ATP13A4: variants seen among roughly 807,000 people sequenced by gnomAD.
The protein encoded by ATP13A4 is probable cation-transporting ATPase 13A4.
Under a neutral mutation model 142.5 loss-of-function variants are expected in ATP13A4, and 114 were observed. The observed-to-expected ratio is 0.80, with a 90% confidence interval of 0.69 to 0.93. The LOEUF (loss-of-function observed/expected upper bound fraction) is 0.93, where lower values mean the gene tolerates loss of function less well. ATP13A4 is among the 40% of genes least tolerant of loss of function. The probability of loss-of-function intolerance (pLI) is 0.00; values close to 1 mark genes in which losing one functional copy is unlikely to be tolerated. For missense variants in ATP13A4, 1,392 were observed against 1,454.0 expected (o/e 0.96, Z 0.69); for synonymous variants, 488 against 514.8 (o/e 0.95, Z 0.70).
At chr3:193,540,747 G>C (rs184425659) in intron 1 of ATP13A4, among the ~76,000 whole-genome samples, 1 of 151,410 alleles carries the variant, frequency 6.6e-6, no homozygotes, top group Non-Finnish European at 1.5e-5. Context: ...TACATATGAA[G>C]AGAAACAACA....
intron 18 of ATP13A4, 40 bp downstream of exon 18, chr3:193,448,166 T>A (rs200246471): frequency 8.7e-6 from 14 of 1,611,084 alleles, no homozygotes; most frequent in South Asian, 7.7e-5. Context: ...TATTTCCACA[T>A]CAAATTCTTA....
intron 25 of ATP13A4, among the ~76,000 whole-genome samples, chr3:193,420,483 A>G (rs1715350884): frequency 6.7e-6 from 1 of 149,886 alleles, no homozygotes; most frequent in Non-Finnish European, 1.5e-5. Flanking sequence ...TATGATATCA[A>G]CAAAGAAACA....
At chr3:193,409,338 C>T (rs1194863201) in intron 28 of ATP13A4, among the ~76,000 whole-genome samples, 1 of 150,494 alleles carries the variant, frequency 6.6e-6, no homozygotes, top group African/African-American at 2.5e-5. Context: ...CTAAAAAGAA[C>T]ACATATTTTT....
At position 193,467,448 on chromosome 3, in the gene ATP13A4, T is replaced by C; in HGVS notation, c.982A>G (p.Met328Val). Reference sequence around the variant, plus strand: ...GTTTTCCAGGGCACAGAGCTATCCATCTTGGGTAACGGAGTTTTGGTGACT... The same window carrying C: ...GTTTTCCAGGGCACAGAGCTATCCACCTTGGGTAACGGAGTTTTGGTGACT... Reference protein sequence around the residue: ...IPVTKTPLPKMDSSVPWKTQS... With the variant: ...IPVTKTPLPKVDSSVPWKTQS... Residue 328 changes from methionine to valine, a missense_variant, in exon 10 of 30, where the codon ATG (methionine) becomes GTG (valine). By Grantham distance (21) the Met-to-Val change is conservative (BLOSUM62 1). Transcript: ENST00000342695. 1.2e-6 allele frequency: 2 copies of C among 1,613,888 alleles called. No homozygotes were observed. The highest frequency in any genetic ancestry group is 1.7e-4 in the Middle Eastern group (1 of 5,918).
At chr3:193,531,292 GAGGGAGGAAGGAAGGAAGGA>G (rs1722305263) in intron 1 of ATP13A4, among the ~76,000 whole-genome samples, 1 of 104,030 alleles carries the variant, frequency 9.6e-6, no homozygotes, top group African/African-American at 3.6e-5. Flanking sequence ...GGGAGGGAGG[GAGGGAGGAAGGAAGGAAGGA>G]AGGAAGGAAG....
At chr3:193,582,738 A>ATG (rs1724587876) in intron 1 of ATP13A4, among the ~76,000 whole-genome samples, 1 of 61,280 alleles carries the variant, frequency 1.6e-5, no homozygotes, top group Admixed American at 2.1e-4. Context: ...TAAAATATAT[A>ATG]TGTATAATAC....
In ATP13A4 at chr3:193,554,876, C is replaced by T; in HGVS notation, c.-77G>A. ...GGATGAACTCCAACTCGCCGAGCCA[C>T]CGCAGCTCCTCAGCTGACTAAAAGA... On this transcript the variant is annotated 5_prime_UTR_variant, in exon 1 of 30. The change creates a new upstream start codon in the 5' untranslated region. Coordinates refer to ENST00000342695, the MANE Select transcript of ATP13A4 (RefSeq NM_032279.4). 6.2e-7 allele frequency: 1 copy of T among 1,612,942 alleles called. No homozygotes were observed. The highest frequency in any genetic ancestry group is 1.1e-5 in the South Asian group (1 of 91,032).
Position 193,412,167 on chromosome 3 carries a change from G to A in ATP13A4, c.3208+11C>T, listed in dbSNP as rs777905375. ...GACTTCTCACCTCTGATGCAGTACA[G>A]TTCTACTCACAGTTTGTATAAGTTG... is the stretch of plus-strand genomic sequence containing the variant. On this transcript the variant is annotated intron_variant, in intron 27 of 29. Transcript: ENST00000342695. The A allele has an allele frequency of 1.5e-5, 24 of 1,587,388 alleles. No individual in the cohort carries two copies. The highest frequency in any genetic ancestry group is 8.8e-5 in the South Asian group (8 of 90,560).
intron 7 of ATP13A4, among the ~76,000 whole-genome samples, chr3:193,484,289 G>A (rs577930105): frequency 6.6e-6 from 1 of 151,116 alleles, no homozygotes; most frequent in East Asian, 1.9e-4. Context: ...CAGCCTGGGC[G>A]ACAGAACAAG....
In ATP13A4 at chr3:193,493,082, C is replaced by T. The variant is rs1720031601; in HGVS notation, c.452+8G>A. The stretch of plus-strand genomic sequence containing the variant: ...TCTTCTTTGGCTGTACTTGCTAAAA[C>T]AACTTACCCAATTTTCTGGAACTGT... On this transcript the variant is annotated splice_region_variant and intron_variant, in intron 4 of 29. Transcript: ENST00000342695. 6.2e-7 allele frequency: 1 copy of T among 1,612,986 alleles called. No individual in the cohort carries two copies. Among genetic ancestry groups the T allele is most frequent in the Non-Finnish European group, 8.5e-7 (1 of 1,179,340 alleles).
intron 7 of ATP13A4, among the ~76,000 whole-genome samples, chr3:193,484,233 T>C (rs1719473545): frequency 1.3e-5 from 2 of 151,888 alleles, no homozygotes; most frequent in Admixed American, 1.3e-4. Flanking sequence ...GAAAGGAATT[T>C]CCCAGCATGC....
chr3:193,580,505 A>G (rs959961858), intron 2 of ATP13A4, among the ~76,000 whole-genome samples: 1 of 152,102 alleles, frequency 6.6e-6, no homozygotes, highest in African/African-American at 2.4e-5. Flanking sequence ...AATTCAACTC[A>G]CTCTTACAGA....
chr3:193,583,547 G>A lies in ATP13A4; in HGVS notation n.92-1641C>T, dbSNP rs150715197. On this transcript the variant is annotated intron_variant and non_coding_transcript_variant, in intron 1 of 3. Transcript: ENST00000489140. ...AGGAGATCTCATATGCAGAGATGTA[G>A]CCTAGTACCTGGTACACTAAATCAG... Among the ~76,000 whole-genome samples the A allele has an allele frequency of 2.6e-3, 390 of 152,192 alleles. 4 individuals carry two copies. The highest frequency in any genetic ancestry group is 9.0e-3 in the African/African-American group (375 of 41,528).
In ATP13A4 at chr3:193,405,431, TGAGCTTCAGGAA is replaced by T. The variant is rs1226628770; in HGVS notation, c.3378+1870_3378+1881del. ...TAAAGCATAAAAGGAAGTCTGCTGG[TGAGCTTCAGGAA>T]AAGTTTGTTTCTCAAGAAAAGGTTC... On this transcript the variant is annotated intron_variant, in intron 29 of 29. Coordinates refer to ENST00000342695, the MANE Select transcript of ATP13A4 (RefSeq NM_032279.4). 8.5e-5 allele frequency among the ~76,000 whole-genome samples: 13 copies of T among 152,302 alleles called. No homozygotes were observed. The East Asian group carries it at 2.3e-3, about 27-fold the overall frequency.
chr3:193,555,952 GTGAAAGTA>G (rs1723869965), upstream of ATP13A4, among the ~76,000 whole-genome samples: 1 of 152,172 alleles, frequency 6.6e-6, no homozygotes, highest in Non-Finnish European at 1.5e-5. Context: ...TGAGATCATT[GTGAAAGTA>G]CATTGTACAG....
At chr3:193,449,923 G>A (rs900015100) in intron 17 of ATP13A4, among the ~76,000 whole-genome samples, 3 of 151,792 alleles carry the variant, frequency 2.0e-5, no homozygotes, top group African/African-American at 4.8e-5. Context: ...AGTTCGAGAC[G>A]AGCCTGACCA....
At chr3:193,434,439 G>T (rs948766515) in intron 24 of ATP13A4, among the ~76,000 whole-genome samples, 1 of 152,154 alleles carries the variant, frequency 6.6e-6, no homozygotes, top group Non-Finnish European at 1.5e-5. Flanking sequence ...ATGTCTTACT[G>T]ATTTTAAGAA....
At position 193,467,328 on chromosome 3, in the gene ATP13A4, C is replaced by T. The variant is rs1424222262; in HGVS notation, c.1102G>A (p.Val368Ile). The T allele has an allele frequency of 4.3e-6, 7 of 1,614,028 alleles. No homozygotes were observed. Among genetic ancestry groups the T allele is most frequent in the Non-Finnish European group, 5.1e-6 (6 of 1,180,036 alleles). The change falls in exon 10 of 30, where the codon GTA (valine) becomes ATA (isoleucine). Residue 368 changes from valine to isoleucine, a missense_variant. Coordinates refer to ENST00000342695, the MANE Select transcript of ATP13A4 (RefSeq NM_032279.4). ...AGGGGATGCTAACCAGTCTGCAGTA[C>T]CACGGCTCTCACGGTCCCAGAGCAA... Reference protein sequence around the residue: ...AACSGTVRAVVLQTGFNTAKG... With the variant: ...AACSGTVRAVILQTGFNTAKG...
At chr3:193,456,907 C>G in intron 16 of ATP13A4, 93 bp downstream of exon 16, 1 of 1,461,374 alleles carries the variant, frequency 6.8e-7, no homozygotes, top group East Asian at 2.5e-5. Context: ...GGTGATGACC[C>G]ATAGGCGATT....
Sources: gnomAD v4.1 joint callset for allele counts (sites outside exome capture counted in the v4.1 genomes callset) on GRCh38, gnomAD v4.1.1 for gene constraint, MANE v1.5 for transcripts, NCBI Gene and HGNC (gene_info 2026-07-23, HGNC 2026-07-21) for gene names.